The following FMN1 variants were observed in gnomAD, a reference collection of about 807,000 sequenced individuals.
FMN1 encodes formin-1.
Under a neutral mutation model 132.4 loss-of-function variants are expected in FMN1, and 110 were observed. That is an observed-to-expected ratio of 0.83 (90% CI 0.71 to 0.97). FMN1 has a LOEUF of 0.97. Among genes scored for constraint, FMN1 ranks in the 50% least tolerant of loss-of-function variants. The pLI is 0.00. For synonymous variants in FMN1, 722 were observed against 651.7 expected, an observed-to-expected ratio of 1.11 and a Z score of -1.64; for missense variants, 1,792 against 1,705.3, an observed-to-expected ratio of 1.05 and a Z score of -0.90.
intron 4 of FMN1, among the ~76,000 whole-genome samples, chr15:33,136,530 G>A (rs1038085672): frequency 2.0e-5 from 3 of 151,716 alleles, no homozygotes; most frequent in Non-Finnish European, 2.9e-5. Flanking sequence ...TAAGCAAGTG[G>A]TTTTTTTTGA....
intron 3 of FMN1, among the ~76,000 whole-genome samples, chr15:33,159,947 C>T (rs1421056773): frequency 2.6e-5 from 4 of 152,180 alleles, no homozygotes; most frequent in South Asian, 4.1e-4. Flanking sequence ...TTCTGCCTCT[C>T]GTTGATTTCG....
intron 19 of FMN1, among the ~76,000 whole-genome samples, chr15:32,788,039 T>G (rs1254687861): frequency 1.0e-5 from 1 of 95,750 alleles, no homozygotes; most frequent in African/African-American, 4.0e-5. Flanking sequence ...TTCATAGTTT[T>G]TGTGAGCTAT....
chr15:33,103,791 A>AT (rs2039382437), intron 4 of FMN1, among the ~76,000 whole-genome samples: 1 of 152,098 alleles, frequency 6.6e-6, no homozygotes, highest in Non-Finnish European at 1.5e-5. Context: ...CCTTGAATTT[A>AT]TTTGGTCAAG....
At chr15:33,037,495 G>T (rs938114407) in intron 6 of FMN1, among the ~76,000 whole-genome samples, 1 of 152,294 alleles carries the variant, frequency 6.6e-6, no homozygotes, top group East Asian at 1.9e-4. Flanking sequence ...GTTGGAGCAG[G>T]CTCATATATG....
chr15:32,969,319 GTCA>G lies in FMN1; in HGVS notation c.2379_2381del (p.Asp794del). 1 of 1,613,994 alleles carries G rather than the reference GTCA, an allele frequency of 6.2e-7. No individual in the cohort carries two copies. The highest frequency in any genetic ancestry group is 8.5e-7 in the Non-Finnish European group (1 of 1,179,888). ...CATTTCTGAAGGTCTTTGGAGGGCA[GTCA>G]TCATCGGTGGAAATGCACACATCTT... On this transcript the variant is annotated inframe_deletion, in exon 8 of 21. Coordinates refer to ENST00000616417, the MANE Select transcript of FMN1 (RefSeq NM_001277313.2).
At chr15:32,809,205 A>G (rs1362956395) in intron 17 of FMN1, among the ~76,000 whole-genome samples, 2 of 152,162 alleles carry the variant, frequency 1.3e-5, no homozygotes, top group Admixed American at 6.5e-5. Flanking sequence ...TCACTTCCCC[A>G]ATACCAAATA....
At chr15:33,110,755 A>G (rs1257300094) in intron 4 of FMN1, among the ~76,000 whole-genome samples, 1 of 152,036 alleles carries the variant, frequency 6.6e-6, no homozygotes, top group Non-Finnish European at 1.5e-5. Flanking sequence ...AATCCCAATT[A>G]AAACTATTTT....
chr15:32,900,807 A>G (rs1466339873), intron 13 of FMN1, among the ~76,000 whole-genome samples: 4 of 151,914 alleles, frequency 2.6e-5, no homozygotes, highest in African/African-American at 9.7e-5. Context: ...TCCAATTGAA[A>G]TTTTTTTTCT....
Position 32,932,345 on chromosome 15 carries a change from G to A in FMN1, c.3139-6084C>T, listed in dbSNP as rs148641247. Among the ~76,000 whole-genome samples the A allele has an allele frequency of 3.9e-4, 59 of 152,208 alleles. 1 individual carries two copies. Among genetic ancestry groups the A allele is most frequent in the Admixed American group, 3.3e-4 (5 of 15,278 alleles). Reference sequence around the variant, plus strand: ...GAACCCGGGAGGCCAAGGTTGCAGTGAGCTGATATTGTGCCACTGCACTCC... The same window carrying A: ...GAACCCGGGAGGCCAAGGTTGCAGTAAGCTGATATTGTGCCACTGCACTCC... On this transcript the variant is annotated intron_variant, in intron 9 of 20. Transcript: ENST00000616417.
At position 32,862,037 on chromosome 15, in the gene FMN1, C is replaced by T. The variant is rs114928490; in HGVS notation, c.3836-4930G>A. ...ATCAAAGGAGAGGGCTGCCCTCCGACGGTCCCCACAGAGCCACGCGCCCCG... is the reference window on the plus strand; with the variant it reads ...ATCAAAGGAGAGGGCTGCCCTCCGATGGTCCCCACAGAGCCACGCGCCCCG... On this transcript the variant is annotated intron_variant, in intron 16 of 20. Coordinates refer to ENST00000616417, the MANE Select transcript of FMN1 (RefSeq NM_001277313.2). Among the ~76,000 whole-genome samples the T allele has an allele frequency of 5.9e-3, 899 of 152,302 alleles. 14 individuals are homozygous for T. The highest frequency in any genetic ancestry group is 0.021 in the African/African-American group (860 of 41,570).
At chr15:33,137,821 A>G (rs35060601) in intron 4 of FMN1, among the ~76,000 whole-genome samples, 12,092 of 152,138 alleles carry the variant, frequency 0.079, 548 homozygotes, top group African/African-American at 0.11. Flanking sequence ...GCTGTGTTCC[A>G]GGTTTTCAAC....
intron 5 of FMN1, among the ~76,000 whole-genome samples, chr15:33,085,338 G>T (rs1009234386): frequency 2.6e-5 from 4 of 151,968 alleles, no homozygotes; most frequent in Non-Finnish European, 4.4e-5. Context: ...AAATCACACT[G>T]TCCAAAGAGG....
chr15:32,930,722 G>T (rs550896133), intron 9 of FMN1, among the ~76,000 whole-genome samples: 3 of 151,450 alleles, frequency 2.0e-5, no homozygotes, highest in East Asian at 3.9e-4. Context: ...GCTTTTTTTG[G>T]GGGGGGGCGG....
chr15:33,039,405 G>C (rs924634433), intron 6 of FMN1, among the ~76,000 whole-genome samples: 5 of 152,164 alleles, frequency 3.3e-5, no homozygotes, highest in Non-Finnish European at 5.9e-5. Flanking sequence ...TTTTGTCTAA[G>C]TGTAGCAAAT....
intron 4 of FMN1, among the ~76,000 whole-genome samples, chr15:33,144,286 G>A (rs1469570520): frequency 6.6e-6 from 1 of 152,120 alleles, no homozygotes; most frequent in African/African-American, 2.4e-5. Context: ...GAGTACCTCA[G>A]AGGTATCCTA....
intron 15 of FMN1, among the ~76,000 whole-genome samples, chr15:32,893,024 G>T (rs1387227938): frequency 6.6e-6 from 1 of 152,176 alleles, no homozygotes; most frequent in African/African-American, 2.4e-5. Context: ...ATGGTTCTGA[G>T]ATGTATGTAC....
chr15:32,875,183 T>A (rs1462998514), intron 16 of FMN1, among the ~76,000 whole-genome samples: 2 of 152,232 alleles, frequency 1.3e-5, no homozygotes, highest in Admixed American at 1.3e-4. Context: ...TATCTCATCT[T>A]ACCCTATGAA....
intron 17 of FMN1, among the ~76,000 whole-genome samples, chr15:32,833,004 T>C (rs182971098): frequency 1.8e-3 from 281 of 152,290 alleles, no homozygotes; most frequent in African/African-American, 6.5e-3. Flanking sequence ...ATTTTGTCCT[T>C]CTAAAGTGTT....
Position 32,838,292 on chromosome 15 carries a change from G to A in FMN1, c.3928+18723C>T, listed in dbSNP as rs8040200. On this transcript the variant is annotated intron_variant, in intron 17 of 20. Coordinates refer to ENST00000616417, the MANE Select transcript of FMN1 (RefSeq NM_001277313.2). ...CGGAAGGGGAGAAAGAAAAAAAATC[G>A]GAGAGGTGAGGCCAATGTATGGAAA... Among the ~76,000 whole-genome samples, 1,093 of 152,192 alleles carry A rather than the reference G, an allele frequency of 7.2e-3. 14 individuals are homozygous for A. Among genetic ancestry groups the A allele is most frequent in the African/African-American group, 0.025 (1,033 of 41,522 alleles).
Sources: allele counts gnomAD v4.1 joint callset (sites outside exome capture counted in the v4.1 genomes callset), GRCh38; gene constraint gnomAD v4.1.1; transcripts MANE v1.5; gene names NCBI Gene and HGNC (gene_info 2026-07-23, HGNC 2026-07-21).